The following PCMTD1 variants were observed in gnomAD, a reference collection of about 807,000 sequenced individuals.
PCMTD1 encodes the protein protein-L-isoaspartate (D-aspartate) O-methyltransferase domain containing 1, also known as protein-L-isoaspartate O-methyltransferase domain-containing protein 1.
PCMTD1 carries 12 observed loss-of-function variants against 37.6 expected under a neutral mutation model. The observed-to-expected ratio is 0.32, with a 90% CI of 0.20 to 0.52. The LOEUF (loss-of-function observed/expected upper bound fraction) is 0.52. Ranked by LOEUF, PCMTD1 falls within the 20% of genes least tolerant of loss-of-function variation. PCMTD1 has a pLI of 0.97. For missense variants in PCMTD1, 235 were observed against 421.3 expected, an observed-to-expected ratio of 0.56 and a Z score of 3.87; for synonymous variants, 117 against 135.8, an observed-to-expected ratio of 0.86 and a Z score of 0.96.
At chr8:51,851,726 G>C (rs1285937888) in intron 2 of PCMTD1, among the ~76,000 whole-genome samples, 1 of 151,472 alleles carries the variant, frequency 6.6e-6, no homozygotes, top group African/African-American at 2.4e-5. Context: ...CATGACCTTG[G>C]CTCACCACAA....
chr8:51,864,856 T>G (rs975379527), intron 1 of PCMTD1, among the ~76,000 whole-genome samples: 1 of 151,536 alleles, frequency 6.6e-6, no homozygotes, highest in Non-Finnish European at 1.5e-5. Flanking sequence ...AGAACAGAAA[T>G]AGATAAAATA....
rs72644312 is a variant in PCMTD1, at chr8:51,819,078, C to T, written c.*1273G>A. On this transcript the variant is annotated 3_prime_UTR_variant, in exon 6 of 6. Transcript: ENST00000522514. ...AACAAACAAACAATGGCAGTTACTACCTGTTTTTTATCACTGATAAGCTAA... is the reference window on the plus strand; with the variant it reads ...AACAAACAAACAATGGCAGTTACTATCTGTTTTTTATCACTGATAAGCTAA... 6.6e-6 allele frequency: 1 copy of T among 152,030 alleles called. No homozygotes were observed. The highest frequency in any genetic ancestry group is 1.5e-5 in the Non-Finnish European group (1 of 68,014). The allele number at this position is 152,030 out of a possible 1,614,324, so 9.4% of individuals were successfully genotyped here.
chr8:51,881,865 C>A (rs2038797691), intron 1 of PCMTD1, among the ~76,000 whole-genome samples: 1 of 152,136 alleles, frequency 6.6e-6, no homozygotes, highest in Non-Finnish European at 1.5e-5. Flanking sequence ...GGGGCACCTC[C>A]AGCCATCTCT....
intron 1 of PCMTD1, chr8:51,896,345 T>C (rs2039001506): frequency 6.6e-6 from 1 of 152,220 alleles, no homozygotes; most frequent in Non-Finnish European, 1.5e-5. Context: ...ATTATGCATT[T>C]TAAGTGACTA....
At chr8:51,844,487 T>G (rs554992700) in intron 3 of PCMTD1, among the ~76,000 whole-genome samples, 5 of 152,166 alleles carry the variant, frequency 3.3e-5, no homozygotes, top group African/African-American at 1.2e-4. Flanking sequence ...AGACCTTGCC[T>G]TCACTGTTAA....
At position 51,819,434 on chromosome 8, in the gene PCMTD1, C is replaced by G. The variant is rs533913875; in HGVS notation, c.*917G>C. The G allele has an allele frequency of 1.3e-5, 2 of 152,320 alleles. No homozygotes were observed. The highest frequency in any genetic ancestry group is 4.1e-4 in the South Asian group (2 of 4,824). 9.4% of individuals were successfully genotyped at this position (152,320 alleles called of 1,614,324 possible). A position where few individuals can be genotyped will look rare whatever the true frequency, so the allele number is the denominator to read the frequency against. On this transcript the variant is annotated 3_prime_UTR_variant, in exon 6 of 6. Transcript: ENST00000522514. ...TCTACCCTGGCCCTGCTACTTACAG[C>G]CATCCAAGAAAGTGGCCTCACTCAT...
chr8:51,821,761 G>A (rs996267549), intron 5 of PCMTD1, among the ~76,000 whole-genome samples: 13 of 149,600 alleles, frequency 8.7e-5, no homozygotes, highest in South Asian at 2.1e-4. Flanking sequence ...TTTTTGAGAC[G>A]GAGTTTCACT....
chr8:51,887,501 T>C (rs1205422567), intron 1 of PCMTD1, among the ~76,000 whole-genome samples: 3 of 152,200 alleles, frequency 2.0e-5, no homozygotes, highest in Admixed American at 6.5e-5. Context: ...CGCAAGGTTA[T>C]ATTCTTAAGA....
chr8:51,882,130 A>T (rs753634512), intron 1 of PCMTD1, among the ~76,000 whole-genome samples: 32 of 152,202 alleles, frequency 2.1e-4, no homozygotes, highest in Non-Finnish European at 3.7e-4. Context: ...TCAAGCTAGA[A>T]GTCCAAGATC....
At chr8:51,894,043 C>T (rs906507561) in intron 1 of PCMTD1, among the ~76,000 whole-genome samples, 1 of 152,280 alleles carries the variant, frequency 6.6e-6, no homozygotes, top group South Asian at 2.1e-4. Flanking sequence ...ACAGGTTAAA[C>T]AGCTGTATGA....
chr8:51,823,966 TG>T (rs540418530), intron 5 of PCMTD1, among the ~76,000 whole-genome samples: 57 of 152,312 alleles, frequency 3.7e-4, no homozygotes, highest in Admixed American at 3.3e-3. Context: ...TCTCAACAGA[TG>T]CAGAAAAGGC....
chr8:51,886,600 G>T (rs1245790797), intron 1 of PCMTD1, among the ~76,000 whole-genome samples: 1 of 152,126 alleles, frequency 6.6e-6, no homozygotes, highest in African/African-American at 2.4e-5. Flanking sequence ...AATCTCACCT[G>T]GCAGGACTCA....
At chr8:51,836,788 T>C (rs747975194) in intron 3 of PCMTD1, among the ~76,000 whole-genome samples, 1 of 152,100 alleles carries the variant, frequency 6.6e-6, no homozygotes, top group Non-Finnish European at 1.5e-5. Context: ...TGCCCAGGCT[T>C]GTCTTGTACT....
chr8:51,825,951 T>C (rs1370407320), intron 5 of PCMTD1, among the ~76,000 whole-genome samples: 2 of 152,158 alleles, frequency 1.3e-5, no homozygotes, highest in Admixed American at 1.3e-4. Flanking sequence ...TGGAGGACAG[T>C]GTGGCGATTC....
At chr8:51,873,298 C>A (rs2038663899) in intron 1 of PCMTD1, among the ~76,000 whole-genome samples, 1 of 152,074 alleles carries the variant, frequency 6.6e-6, no homozygotes, top group African/African-American at 2.4e-5. Flanking sequence ...CAATCTTATT[C>A]ATAAATCTTA....
chr8:51,853,942 G>A (rs2038344989), intron 2 of PCMTD1, among the ~76,000 whole-genome samples: 1 of 152,146 alleles, frequency 6.6e-6, no homozygotes, highest in South Asian at 2.1e-4. Context: ...CATAAAAGCA[G>A]TGTGAGTTTT....
chr8:51,865,565 G>A (rs189283659), intron 1 of PCMTD1, among the ~76,000 whole-genome samples: 24 of 151,868 alleles, frequency 1.6e-4, no homozygotes, highest in African/African-American at 5.8e-4. Context: ...AACAGAATGA[G>A]GACAAAAACC....
chr8:51,888,234 T>C (rs745869644), intron 1 of PCMTD1, among the ~76,000 whole-genome samples: 6 of 152,296 alleles, frequency 3.9e-5, no homozygotes, highest in Admixed American at 6.5e-5. Context: ...CTGTATATGA[T>C]GGTCCATACC....
chr8:51,860,876 T>A lies in PCMTD1; in HGVS notation c.276A>T (p.Gly92=). ...TTAAGCCCACCATTGTACTTAAATA[T>A]CCGGTTCCACTTCCCAGGTTAAGAA... ...LSFLNLGSGT[G]YLSTMVGLIL... The change falls in exon 2 of 6, where the codon GGA becomes GGT. Residue 92 remains glycine, a synonymous_variant. Transcript: ENST00000522514. 1.9e-6 allele frequency: 3 copies of A among 1,613,488 alleles called. No individual in the cohort carries two copies. Among genetic ancestry groups the A allele is most frequent in the African/African-American group, 2.7e-5 (2 of 75,026 alleles).
Sources: allele counts gnomAD v4.1 joint callset (sites outside exome capture counted in the v4.1 genomes callset), GRCh38; gene constraint gnomAD v4.1.1; transcripts MANE v1.5; gene names NCBI Gene and HGNC (gene_info 2026-07-23, HGNC 2026-07-21).